ZZEF1: variants seen among roughly 807,000 people sequenced by gnomAD.
The protein encoded by ZZEF1 is zinc finger ZZ-type and EF-hand domain containing 1.
A neutral mutation model predicts 342.8 loss-of-function variants in ZZEF1; 157 were observed. The observed-to-expected ratio is 0.46, with a 90% CI of 0.40 to 0.52. ZZEF1 has a LOEUF of 0.52. Ranked by LOEUF, ZZEF1 falls within the 20% of genes least tolerant of loss-of-function variation. The pLI is 0.00. For missense variants in ZZEF1, 3,480 were observed against 3,725.6 expected, an observed-to-expected ratio of 0.93 and a Z score of 1.72; for synonymous variants, 1,505 against 1,429.1, an observed-to-expected ratio of 1.05 and a Z score of -1.20.
chr17:4,047,243 A>G (rs1371014982), intron 37 of ZZEF1, among the ~76,000 whole-genome samples: 1 of 152,234 alleles, frequency 6.6e-6, no homozygotes, highest in Admixed American at 6.5e-5. Flanking sequence ...ATCTTTCTCT[A>G]TCAAAAATTA....
rs577189006 is a variant in ZZEF1 at position 4,009,511 on chromosome 17, G to A, written c.8733+93C>T. On this transcript the variant is annotated intron_variant, in intron 53 of 54. Transcript: ENST00000381638. ...GGCCTGTCGAGACCCTGGCCACTCA[G>A]GCTCGGATGAGGCAGCAGCTTCTGC... 1.7e-5 allele frequency: 27 copies of A among 1,572,626 alleles called. No individual in the cohort carries two copies. In the African/African-American group the frequency reaches 3.1e-4, roughly 18 times the overall value.
At position 4,024,947 on chromosome 17, in the gene ZZEF1, G is replaced by A. The variant is rs1353444963; in HGVS notation, c.7064C>T (p.Ala2355Val). Residue 2355 changes from alanine to valine, a missense_variant, in exon 43 of 55, where the codon GCC becomes GTC. Ala to Val is a moderately conservative substitution (Grantham distance 64). Transcript: ENST00000381638. ...AVEATWVLSL[A>V]LKGLYKTLKA... is the part of the protein sequence containing the mutation. ...TAGTGTTTTATACAATCCTTTCAGG[G>A]CCAGGGACAGGACCCAAGTTGCTTC... The A allele has an allele frequency of 6.2e-7, 1 of 1,613,978 alleles. No homozygotes were observed. The highest frequency in any genetic ancestry group is 8.5e-7 in the Non-Finnish European group (1 of 1,180,036).
chr17:4,085,461 G>A (rs59995987), intron 16 of ZZEF1, among the ~76,000 whole-genome samples: 7,284 of 152,238 alleles, frequency 0.048, 599 homozygotes, highest in African/African-American at 0.16. Context: ...TGAGACATCC[G>A]ATCATGAAAC....
At position 4,006,550 on chromosome 17, in the gene ZZEF1, C is replaced by T; in HGVS notation, c.*340G>A. On this transcript the variant is annotated 3_prime_UTR_variant, in exon 55 of 55. Transcript: ENST00000381638. ...GTTCCAGCTCCACGGAGACAGAAAC[C>T]AGTTGAGAGAGGCCGCTTCCAAGTC... The T allele has an allele frequency of 3.0e-6, 1 of 338,478 alleles. No homozygotes were observed. Among genetic ancestry groups the T allele is most frequent in the Non-Finnish European group, 5.6e-6 (1 of 178,642 alleles). The allele number at this position is 338,478 out of a possible 1,614,324, so 21.0% of individuals were successfully genotyped here.
intron 39 of ZZEF1, among the ~76,000 whole-genome samples, chr17:4,036,592 C>T (rs148362611): frequency 0.022 from 3,324 of 151,964 alleles, 45 homozygotes; most frequent in Non-Finnish European, 0.033. Flanking sequence ...ATTAGCCAGG[C>T]GTGGTGGCAC....
At chr17:4,015,164 C>A (rs984916826) in intron 49 of ZZEF1, among the ~76,000 whole-genome samples, 3 of 152,084 alleles carry the variant, frequency 2.0e-5, no homozygotes, top group African/African-American at 7.2e-5. Flanking sequence ...CAAAAGGAAC[C>A]CCAGAGAAGG....
chr17:4,126,331 C>T lies in ZZEF1; in HGVS notation c.355-2280G>A, dbSNP rs945886079. Among the ~76,000 whole-genome samples, 3 of 151,758 alleles carry T rather than the reference C, an allele frequency of 2.0e-5. No individual in the cohort carries two copies. In the East Asian group the frequency reaches 5.8e-4, roughly 29 times the overall value. On this transcript the variant is annotated intron_variant, in intron 1 of 54. Coordinates refer to ENST00000381638, the MANE Select transcript of ZZEF1 (RefSeq NM_015113.4). ...TCTGGACAACCAGTCATCGGGAGTA[C>T]TCATAGTTCAAAAAAGTCATACTAA...
Position 4,044,260 on chromosome 17 carries a change from A to G in ZZEF1, c.6130T>C (p.Ser2044Pro). 6.2e-7 allele frequency: 1 copy of G among 1,614,160 alleles called. No homozygotes were observed. Among genetic ancestry groups the G allele is most frequent in the South Asian group, 1.1e-5 (1 of 91,072 alleles). Residue 2044 changes from serine to proline, a missense_variant, in exon 38 of 55, where the codon TCA becomes CCA. Transcript: ENST00000381638. ...DPSCQTQISD[S>P]PADASPPTGL... ...GTAGGTGGGCTAGCATCTGCAGGTG[A>G]ATCTGAAATTTGGGTCTGGCATGAA...
At chr17:4,043,531 C>T (rs1322737027) in intron 38 of ZZEF1, among the ~76,000 whole-genome samples, 7 of 152,148 alleles carry the variant, frequency 4.6e-5, no homozygotes, top group Admixed American at 1.3e-4. Context: ...CTGGGACTTG[C>T]CTCCAGTCTC....
intron 16 of ZZEF1, among the ~76,000 whole-genome samples, chr17:4,083,426 G>A (rs1204388035): frequency 6.6e-6 from 1 of 152,216 alleles, no homozygotes. Context: ...AATGTGAGAA[G>A]TGATTCCTCA....
rs373688960 is a variant in ZZEF1 at position 4,064,629 on chromosome 17, T to A, written c.4450A>T (p.Thr1484Ser). The change falls in exon 29 of 55, where the codon ACA becomes TCA. Residue 1484 changes from threonine (T) to serine (S), a missense_variant. Transcript: ENST00000381638. ...VSPTEAAPPA[T>S]GDQSPGLGTQ... ...CCCAGGCCAGGACTCTGGTCTCCTG[T>A]GGCAGGGGGTGCGGCTTCAGTGGGA... is the stretch of plus-strand genomic sequence containing the variant. 3.3e-5 allele frequency: 53 copies of A among 1,614,046 alleles called. No homozygotes were observed. The Middle Eastern group carries it at 4.9e-4, about 15-fold the overall frequency.
intron 9 of ZZEF1, among the ~76,000 whole-genome samples, chr17:4,097,746 T>A (rs2145417779): frequency 6.6e-6 from 1 of 152,016 alleles, no homozygotes; most frequent in Admixed American, 6.5e-5. Flanking sequence ...TTTTATGAAT[T>A]CTCCTTAGAA....
intron 33 of ZZEF1, among the ~76,000 whole-genome samples, chr17:4,054,825 A>AC (rs2057122640): frequency 6.6e-6 from 1 of 152,208 alleles, no homozygotes; most frequent in South Asian, 2.1e-4. Flanking sequence ...ACTGACCATG[A>AC]CCAAAGCGTT....
At position 4,008,915 on chromosome 17, in the gene ZZEF1, T is replaced by C. The variant is rs142234405; in HGVS notation, c.8773A>G (p.Thr2925Ala). ...VLQDYLLALT[T>A]DDHLLRCAAQ... The stretch of plus-strand genomic sequence containing the variant: ...GCACAGCGGAGAAGGTGGTCGTCCG[T>C]GGTTAGGGCCAGCAGGTAATCCTGC... Residue 2925 changes from threonine to alanine, a missense_variant, in exon 54 of 55, where the codon ACG becomes GCG. Coordinates refer to ENST00000381638, the MANE Select transcript of ZZEF1 (RefSeq NM_015113.4). This position sits in a 1 kb window ranked among gnomAD's most constrained non-coding sequence, Gnocchi z 4.2. 2.5e-5 allele frequency: 39 copies of C among 1,545,404 alleles called. No homozygotes were observed. The African/African-American group carries it at 4.8e-4, about 19-fold the overall frequency.
At chr17:4,011,544 GTTTT>G (rs894700318) in intron 52 of ZZEF1, among the ~76,000 whole-genome samples, 1 of 147,970 alleles carries the variant, frequency 6.8e-6, no homozygotes, top group African/African-American at 2.5e-5. Flanking sequence ...GAACTGAGGG[GTTTT>G]TTTTTTGTGT....
intron 39 of ZZEF1, among the ~76,000 whole-genome samples, chr17:4,041,364 C>CTT (rs2056800085): frequency 6.6e-6 from 1 of 152,050 alleles, no homozygotes; most frequent in South Asian, 2.1e-4. Context: ...CCTCAACTCC[C>CTT]ACGTAGAAGT....
intron 8 of ZZEF1, among the ~76,000 whole-genome samples, chr17:4,103,765 T>G (rs1319069574): frequency 6.6e-6 from 1 of 151,772 alleles, no homozygotes; most frequent in African/African-American, 2.4e-5. Flanking sequence ...AAAAAATTTT[T>G]AAAAATTAAC....
rs1019496866 is a variant in ZZEF1 at position 4,039,857 on chromosome 17, G to C, written c.6306+2572C>G. On this transcript the variant is annotated intron_variant, in intron 39 of 54. Coordinates refer to ENST00000381638, the MANE Select transcript of ZZEF1 (RefSeq NM_015113.4). ...GATGGGGTTTCACTGTGTTAGCCAGGATGGTCTCGATCTCCTGACCTCATG... is the reference window on the plus strand; with the variant it reads ...GATGGGGTTTCACTGTGTTAGCCAGCATGGTCTCGATCTCCTGACCTCATG... Among the ~76,000 whole-genome samples the C allele has an allele frequency of 2.6e-5, 4 of 151,884 alleles. No individual in the cohort carries two copies. The East Asian group carries it at 7.8e-4, about 30-fold the overall frequency.
Position 4,032,875 on chromosome 17 carries a change from T to G in ZZEF1, c.6712A>C (p.Lys2238Gln). Reference protein sequence around the residue: ...HCIKQLPFQLKHTNIFTLLVL... With the variant: ...HCIKQLPFQLQHTNIFTLLVL... ...AGCAGGGTGAAGATGTTGGTGTGCTTCAGCTGGAATGGCAGCTGCTTGATG... is the reference window on the plus strand; with the variant it reads ...AGCAGGGTGAAGATGTTGGTGTGCTGCAGCTGGAATGGCAGCTGCTTGATG... Residue 2238 changes from lysine (K) to glutamine (Q), a missense_variant, in exon 41 of 55, where the codon AAG (lysine) becomes CAG (glutamine). Lys to Gln is a moderately conservative substitution (Grantham distance 53). Transcript: ENST00000381638. 1 of 1,614,144 alleles carries G rather than the reference T, an allele frequency of 6.2e-7. No individual in the cohort carries two copies. The highest frequency in any genetic ancestry group is 1.1e-5 in the South Asian group (1 of 91,084).
Sources: allele counts gnomAD v4.1 joint callset (sites outside exome capture counted in the v4.1 genomes callset), GRCh38; gene constraint gnomAD v4.1.1; non-coding constraint Gnocchi (gnomAD v3.1); transcripts MANE v1.5; gene names NCBI Gene and HGNC (gene_info 2026-07-23, HGNC 2026-07-21).